TEX11: variants seen among roughly 807,000 people sequenced by gnomAD.
The protein encoded by TEX11 is testis-expressed protein 11.
In TEX11, 7 loss-of-function variants were observed where a neutral mutation model predicts 84.4. The observed-to-expected ratio is 0.08, with a 90% CI of 0.05 to 0.16. The LOEUF is 0.16. TEX11 is among the 10% of genes least tolerant of loss of function. TEX11 has a pLI of 1.00. For missense variants in TEX11, 551 were observed against 660.5 expected (o/e 0.83, Z 1.82); for synonymous variants, 264 against 222.8 (o/e 1.18, Z -1.64).
chrX:70,516,240 T>G, the TEX11 span, among the ~76,000 whole-genome samples: 1 of 111,826 alleles, frequency 8.9e-6, no homozygotes, highest in Non-Finnish European at 1.9e-5. Flanking sequence ...TCTTCTAGGG[T>G]TTTTATGGTT....
At chrX:70,514,378 C>T in the TEX11 span, among the ~76,000 whole-genome samples, 20 of 110,068 alleles carry the variant, frequency 1.8e-4, no homozygotes, top group South Asian at 5.0e-3. Flanking sequence ...GGGTGGATCA[C>T]GAGGTCAAGA....
chrX:70,776,298 A>G (rs1431984414), intron 9 of TEX11, among the ~76,000 whole-genome samples: 1 of 111,234 alleles, frequency 9.0e-6, no homozygotes, highest in Non-Finnish European at 1.9e-5. Flanking sequence ...AATAAGATCC[A>G]TGCCTGTAAT....
chrX:70,733,631 C>CG (rs1267793127), intron 11 of TEX11, among the ~76,000 whole-genome samples: 96 of 111,423 alleles, frequency 8.6e-4, no homozygotes, highest in African/African-American at 3.0e-3. Context: ...GTTAGAATGG[C>CG]ATCATTAAAA....
At chrX:70,543,169 G>A (rs1239398242) in intron 28 of TEX11, among the ~76,000 whole-genome samples, 3 of 110,808 alleles carry the variant, frequency 2.7e-5, no homozygotes, top group East Asian at 2.8e-4. Flanking sequence ...GCGACACAGC[G>A]AGACTCCGTC....
chrX:70,778,413 A>G (rs1486892380), intron 9 of TEX11, among the ~76,000 whole-genome samples: 2 of 111,512 alleles, frequency 1.8e-5, no homozygotes, highest in Admixed American at 9.6e-5. Context: ...TCCTAACCAC[A>G]AAGATGATAG....
At chrX:70,628,186 C>T (rs1474495726) in intron 18 of TEX11, among the ~76,000 whole-genome samples, 8 of 107,269 alleles carry the variant, frequency 7.5e-5, no homozygotes, top group Non-Finnish European at 1.3e-4. Flanking sequence ...GCTGAGATTA[C>T]GCCACTGCAC....
chrX:70,788,529 A>C (rs188554333), intron 9 of TEX11, among the ~76,000 whole-genome samples: 1 of 110,736 alleles, frequency 9.0e-6, no homozygotes, highest in Non-Finnish European at 1.9e-5. Context: ...TGGATTAAAG[A>C]CCTAAATGTA....
chrX:70,858,684 A>G (rs2091551335), intron 5 of TEX11, among the ~76,000 whole-genome samples: 1 of 111,827 alleles, frequency 8.9e-6, no homozygotes, highest in Admixed American at 9.5e-5. Flanking sequence ...ATTGTCTTTT[A>G]GAAACACACA....
At chrX:70,823,308 A>C (rs1415939133) in intron 8 of TEX11, among the ~76,000 whole-genome samples, 1 of 111,001 alleles carries the variant, frequency 9.0e-6, no homozygotes, top group Non-Finnish European at 1.9e-5. Flanking sequence ...AAGATGAATA[A>C]GTTCTGGAGA....
intron 8 of TEX11, among the ~76,000 whole-genome samples, chrX:70,809,429 T>G (rs1297307470): frequency 9.0e-6 from 1 of 111,330 alleles, no homozygotes; most frequent in Non-Finnish European, 1.9e-5. Flanking sequence ...GTAAACTATA[T>G]AGAGATGATG....
rs747294077 is a variant in TEX11, at chrX:70,599,760, A to C, written c.2067+5641T>G. On this transcript the variant is annotated intron_variant, in intron 24 of 29. Coordinates refer to ENST00000374333, the MANE Select transcript of TEX11 (RefSeq NM_031276.3). ...GTTCAATACCCACCTATGAGTGAGA[A>C]TATGCGGTGTTTGGTTTTCTGTTCT... 4.9e-5 allele frequency among the ~76,000 whole-genome samples: 5 copies of C among 102,244 alleles called. No homozygotes were observed. The East Asian group carries it at 1.6e-3, about 32-fold the overall frequency. 88.8% of individuals were successfully genotyped at this position (102,244 alleles called of 115,157 possible).
chrX:70,633,822 G>C (rs943227779), intron 17 of TEX11, among the ~76,000 whole-genome samples: 1 of 111,626 alleles, frequency 9.0e-6, no homozygotes, highest in Non-Finnish European at 1.9e-5. Flanking sequence ...GGAGGCTGAG[G>C]CACGAGAATC....
chrX:70,543,531 T>A (rs956725535), intron 28 of TEX11, among the ~76,000 whole-genome samples: 3 of 112,580 alleles, frequency 2.7e-5, no homozygotes, highest in African/African-American at 9.7e-5. Flanking sequence ...AAGGTCCAGA[T>A]GAGGCTCATG....
At chrX:70,662,736 A>T (rs899493165) in intron 16 of TEX11, among the ~76,000 whole-genome samples, 1 of 111,570 alleles carries the variant, frequency 9.0e-6, no homozygotes, top group Non-Finnish European at 1.9e-5. Context: ...AGCCAGATTT[A>T]AAAAAAAGGT....
At chrX:70,776,188 T>C (rs2091001152) in intron 9 of TEX11, among the ~76,000 whole-genome samples, 1 of 110,776 alleles carries the variant, frequency 9.0e-6, no homozygotes. Flanking sequence ...CTATTCACAA[T>C]AGAAAAAATA....
intron 4 of TEX11, among the ~76,000 whole-genome samples, chrX:70,864,728 C>T (rs10429806): frequency 1.1e-5 from 1 of 91,604 alleles, no homozygotes; most frequent in African/African-American, 4.1e-5. Flanking sequence ...GGTGACAGAG[C>T]GAGATGCCAT....
rs759004755 is a variant in TEX11 at position 70,880,065 on chromosome X, G to T, written c.82C>A (p.Pro28Thr). ...LVTNDNSPNI[P>T]EAIDRLFSDI... ...CTGAAGAGTCTATCAATTGCCTCTG[G>T]TATGTTAGGTGAATTATCATTTGTA... The change falls in exon 3 of 30, where the codon CCA becomes ACA. Residue 28 changes from proline to threonine, a missense_variant. Coordinates refer to ENST00000374333, the MANE Select transcript of TEX11 (RefSeq NM_031276.3). 4 of 1,174,812 alleles carry T rather than the reference G, an allele frequency of 3.4e-6. No individual in the cohort carries two copies. The highest frequency in any genetic ancestry group is 4.6e-6 in the Non-Finnish European group (4 of 868,156).
chrX:70,717,553 A>T (rs2090517606), intron 13 of TEX11, among the ~76,000 whole-genome samples: 1 of 111,765 alleles, frequency 8.9e-6, no homozygotes. Flanking sequence ...TCCTGACCTC[A>T]GGCAATCCAT....
In TEX11 at chrX:70,709,358, T is replaced by A. The variant is rs1288818503; in HGVS notation, c.1004+13260A>T. On this transcript the variant is annotated intron_variant, in intron 13 of 29. Coordinates refer to ENST00000374333, the MANE Select transcript of TEX11 (RefSeq NM_031276.3). ...TTTTAGATCTATCCCAGAAAGGAAT[T>A]ATTATTGAGTATGAGGTCTTCAATA... Among the ~76,000 whole-genome samples, 12 of 111,400 alleles carry A rather than the reference T, an allele frequency of 1.1e-4. No individual in the cohort carries two copies. In the Admixed American group the frequency reaches 1.2e-3, roughly 11 times the overall value.
Sources: allele counts gnomAD v4.1 joint callset (sites outside exome capture counted in the v4.1 genomes callset), GRCh38; gene constraint gnomAD v4.1.1; transcripts MANE v1.5; gene names NCBI Gene and HGNC (gene_info 2026-07-23, HGNC 2026-07-21).